NPIPB2: variants seen among roughly 807,000 people sequenced by gnomAD.
NPIPB2 encodes the protein nuclear pore complex interacting protein family member B2, also known as nuclear pore complex-interacting protein family member B2.
NPIPB2 carries 27 observed loss-of-function variants against 30.8 expected under a neutral mutation model. The ratio of observed to expected loss-of-function variants is 0.88; its 90% CI spans 0.65 to 1.21. The LOEUF is 1.21. NPIPB2 is among the 50% of genes most tolerant of loss of function. The pLI is 0.00. For synonymous variants in NPIPB2, 147 were observed against 162.0 expected (o/e 0.91, Z 0.70); for missense variants, 440 against 446.2 (o/e 0.99, Z 0.13).
chr16:11,942,099 C>G, upstream of NPIPB2: 1 of 1,530,834 alleles, frequency 6.5e-7, no homozygotes, highest in South Asian at 1.2e-5. Context: ...ATCCATGTAG[C>G]CATCTGTCCA....
At chr16:11,958,311 C>G (rs1263339873) in intron 1 of NPIPB2, among the ~76,000 whole-genome samples, 1 of 151,936 alleles carries the variant, frequency 6.6e-6, no homozygotes, top group Non-Finnish European at 1.5e-5. Context: ...CCTGTAATCC[C>G]AGCTACTCAG....
intron 1 of NPIPB2, among the ~76,000 whole-genome samples, chr16:11,963,380 CAAA>C (rs35810741): frequency 9.6e-5 from 6 of 62,586 alleles, no homozygotes; most frequent in East Asian, 5.4e-4. Flanking sequence ...AACTCCAGCT[CAAA>C]AAAAAAAAAA....
At chr16:11,950,820 C>T (rs545979234) in intron 1 of NPIPB2, among the ~76,000 whole-genome samples, 4 of 152,166 alleles carry the variant, frequency 2.6e-5, no homozygotes, top group East Asian at 3.9e-4. Flanking sequence ...TCTCTTTCTT[C>T]GTGGAATTTA....
At chr16:11,974,480 G>A (rs58631586) in intron 1 of NPIPB2, among the ~76,000 whole-genome samples, 46,359 of 151,884 alleles carry the variant, frequency 0.31, 7,690 homozygotes, top group East Asian at 0.59. Flanking sequence ...TCGCGCCATT[G>A]CACTCCTGCC....
chr16:11,943,439 C>T (rs1159203987), upstream of NPIPB2, among the ~76,000 whole-genome samples: 2 of 152,162 alleles, frequency 1.3e-5, no homozygotes, highest in Non-Finnish European at 2.9e-5. Context: ...CATGGTGGCT[C>T]ACGCCTGTAA....
intron 1 of NPIPB2, among the ~76,000 whole-genome samples, chr16:11,954,684 G>GA (rs1456708338): frequency 1.3e-5 from 2 of 151,856 alleles, no homozygotes; most frequent in African/African-American, 2.4e-5. Context: ...GAGGCGGTAG[G>GA]ATCACGAGGT....
At chr16:11,968,714 A>C (rs2055215672) in intron 1 of NPIPB2, 1 of 151,986 alleles carries the variant, frequency 6.6e-6, no homozygotes, top group Non-Finnish European at 1.5e-5. Context: ...TCCACTCTCC[A>C]CTGAGGTTGT....
chr16:11,975,532 C>T (rs2055280133), intron 1 of NPIPB2, among the ~76,000 whole-genome samples: 1 of 152,016 alleles, frequency 6.6e-6, no homozygotes, highest in Non-Finnish European at 1.5e-5. Flanking sequence ...TCCTTAACCA[C>T]CTGCTCTTTC....
chr16:11,938,316 A>AT (rs1227873955), intron 1 of NPIPB2, among the ~76,000 whole-genome samples: 2 of 149,680 alleles, frequency 1.3e-5, no homozygotes, highest in Non-Finnish European at 3.0e-5. Context: ...GTGCCCGGCC[A>AT]TTTTTTTGTT....
intron 1 of NPIPB2, among the ~76,000 whole-genome samples, chr16:11,956,410 T>A (rs2055113195): frequency 6.6e-6 from 1 of 152,228 alleles, no homozygotes; most frequent in Non-Finnish European, 1.5e-5. Context: ...GAGCAGTGGC[T>A]CACGCCTGTA....
intron 2 of NPIPB2, 133 bp downstream of exon 2, chr16:11,937,407 T>A (rs2054882668): frequency 6.4e-6 from 4 of 627,828 alleles, no homozygotes; most frequent in Non-Finnish European, 1.1e-5. Context: ...ATTCTTATGC[T>A]AATAAATCAT....
At chr16:11,974,255 T>C (rs765951319) in intron 1 of NPIPB2, among the ~76,000 whole-genome samples, 7 of 152,128 alleles carry the variant, frequency 4.6e-5, no homozygotes, top group Admixed American at 1.3e-4. Context: ...TGGTGGCTCA[T>C]GCCTGTAATC....
At chr16:11,963,988 T>G (rs1002798107) in intron 1 of NPIPB2, 4 of 151,886 alleles carry the variant, frequency 2.6e-5, no homozygotes, top group African/African-American at 9.7e-5. Context: ...TGAGCTGTGA[T>G]TGTGTCACTG....
chr16:11,972,556 C>A (rs1317018610), intron 1 of NPIPB2, among the ~76,000 whole-genome samples: 1 of 151,470 alleles, frequency 6.6e-6, no homozygotes, highest in Non-Finnish European at 1.5e-5. Flanking sequence ...GCATGAGTAA[C>A]ACAGTGAGAC....
chr16:11,940,396 T>C (rs2054920777), intron 1 of NPIPB2, among the ~76,000 whole-genome samples: 1 of 133,538 alleles, frequency 7.5e-6, no homozygotes, highest in African/African-American at 2.7e-5. Flanking sequence ...GAAAGGGGGT[T>C]GGTTTATGCT....
chr16:11,952,824 C>T (rs955113099), intron 1 of NPIPB2, among the ~76,000 whole-genome samples: 11 of 152,114 alleles, frequency 7.2e-5, no homozygotes, highest in Non-Finnish European at 2.9e-5. Flanking sequence ...CCTCGGCCTC[C>T]CAAAGTGCTG....
intron 1 of NPIPB2, among the ~76,000 whole-genome samples, chr16:11,963,513 A>G (rs2055169688): frequency 6.6e-6 from 1 of 152,182 alleles, no homozygotes; most frequent in South Asian, 2.1e-4. Context: ...GAAAAATACA[A>G]CAAAAGGAAA....
chr16:11,943,557 C>T (rs181945099), upstream of NPIPB2, among the ~76,000 whole-genome samples: 3 of 149,056 alleles, frequency 2.0e-5, no homozygotes, highest in East Asian at 2.0e-4. Flanking sequence ...CAAAAATTAG[C>T]CAGGCATGGT....
chr16:11,927,427 C>G (rs60168629), exon 8 of NPIPB2: 7 of 1,149,452 alleles, frequency 6.1e-6, no homozygotes, highest in Non-Finnish European at 8.8e-6. Context: ...GCCTCTTGGG[C>G]TCGGGTGATG....
Sources: gnomAD v4.1 joint callset for allele counts (sites outside exome capture counted in the v4.1 genomes callset) on GRCh38, gnomAD v4.1.1 for gene constraint, MANE v1.5 for transcripts, NCBI Gene and HGNC (gene_info 2026-07-23, HGNC 2026-07-21) for gene names.